The following KLHL1 variants were observed in gnomAD, a reference collection of about 807,000 sequenced individuals.
The protein encoded by KLHL1 is kelch-like protein 1.
KLHL1 carries 47 observed loss-of-function variants against 77.7 expected under a neutral mutation model. That is an observed-to-expected ratio of 0.60 (90% confidence interval 0.48 to 0.77). The LOEUF (loss-of-function observed/expected upper bound fraction) is 0.77, where lower values mean the gene tolerates loss of function less well. KLHL1 is among the 30% of genes least tolerant of loss of function. The probability of loss-of-function intolerance (pLI) is 0.00; values close to 1 mark genes in which losing one functional copy is unlikely to be tolerated. For synonymous variants in KLHL1, 360 were observed against 325.2 expected, an observed-to-expected ratio of 1.11 and a Z score of -1.15; for missense variants, 925 against 910.8, an observed-to-expected ratio of 1.02 and a Z score of -0.20.
chr13:69,736,679 G>GAT (rs139208405), intron 8 of KLHL1, among the ~76,000 whole-genome samples: 12,261 of 146,066 alleles, frequency 0.084, 646 homozygotes, highest in Non-Finnish European at 0.11. Flanking sequence ...GAGATTGTGA[G>GAT]ATATATATAT....
chr13:69,977,821 TAAG>T (rs917733671), intron 1 of KLHL1, among the ~76,000 whole-genome samples: 29 of 152,224 alleles, frequency 1.9e-4, no homozygotes, highest in African/African-American at 7.0e-4. Flanking sequence ...TATTTTTGAA[TAAG>T]AAAATACGTA....
chr13:69,855,844 T>C (rs1414623691), intron 5 of KLHL1, among the ~76,000 whole-genome samples: 1 of 129,770 alleles, frequency 7.7e-6, no homozygotes, highest in Non-Finnish European at 1.6e-5. Flanking sequence ...ATATACGGTA[T>C]TATATATGTT....
At chr13:69,882,982 C>T (rs891635999) in intron 4 of KLHL1, among the ~76,000 whole-genome samples, 5 of 152,110 alleles carry the variant, frequency 3.3e-5, no homozygotes, top group Admixed American at 6.6e-5. Context: ...TCACAAAATC[C>T]AGCAAGTTCC....
At chr13:69,957,359 G>T (rs1355403326) in intron 3 of KLHL1, among the ~76,000 whole-genome samples, 1 of 151,660 alleles carries the variant, frequency 6.6e-6, no homozygotes, top group East Asian at 1.9e-4. Flanking sequence ...AAAGGCTTAT[G>T]ACATTTTAAG....
intron 1 of KLHL1, among the ~76,000 whole-genome samples, chr13:69,994,688 G>T (rs1885107224): frequency 6.6e-6 from 1 of 152,044 alleles, no homozygotes. Flanking sequence ...GAATTGGTAT[G>T]GTTCTACTTA....
At chr13:69,810,937 TC>T (rs1222323423) in intron 6 of KLHL1, among the ~76,000 whole-genome samples, 1 of 151,946 alleles carries the variant, frequency 6.6e-6, no homozygotes, top group Non-Finnish European at 1.5e-5. Context: ...GAAACATTAA[TC>T]CAGAACAGAC....
intron 1 of KLHL1, among the ~76,000 whole-genome samples, chr13:70,055,973 T>C (rs1886734964): frequency 6.6e-6 from 1 of 151,994 alleles, no homozygotes; most frequent in Admixed American, 6.6e-5. Flanking sequence ...TCCTTACTTA[T>C]CAATAATAAC....
intron 9 of KLHL1, among the ~76,000 whole-genome samples, chr13:69,710,676 A>C (rs1413755880): frequency 1.3e-5 from 2 of 152,166 alleles, no homozygotes; most frequent in African/African-American, 4.8e-5. Flanking sequence ...AAAATGAAAT[A>C]AGCAATCTAC....
intron 5 of KLHL1, among the ~76,000 whole-genome samples, chr13:69,871,054 T>C (rs1880563016): frequency 6.6e-6 from 1 of 152,136 alleles, no homozygotes; most frequent in Non-Finnish European, 1.5e-5. Flanking sequence ...TGGCTCTGCC[T>C]AGACTCCCAG....
chr13:70,037,818 AG>A (rs1886276161), intron 1 of KLHL1, among the ~76,000 whole-genome samples: 1 of 152,080 alleles, frequency 6.6e-6, no homozygotes, highest in Non-Finnish European at 1.5e-5. Flanking sequence ...CACTTCTTAA[AG>A]TTATATGTTG....
intron 1 of KLHL1, among the ~76,000 whole-genome samples, chr13:70,029,207 C>T (rs1035589306): frequency 1.3e-5 from 2 of 151,988 alleles, no homozygotes; most frequent in Non-Finnish European, 2.9e-5. Flanking sequence ...GAACTTGCGG[C>T]CTGTGATAGG....
chr13:69,946,595 C>G (rs1250409938), intron 3 of KLHL1, among the ~76,000 whole-genome samples: 1 of 152,082 alleles, frequency 6.6e-6, no homozygotes. Context: ...TCACTGCATG[C>G]TTGAACTCCT....
At position 69,920,066 on chromosome 13, in the gene KLHL1, C is replaced by A. The variant is rs559283240; in HGVS notation, c.1014+19974G>T. ...GGCCTAACTTTATTAGATTAGGCAG[C>A]TGTTTTTTCTTTGGAAAACAATTTA... On this transcript the variant is annotated intron_variant, in intron 4 of 10. Transcript: ENST00000377844. Among the ~76,000 whole-genome samples the A allele has an allele frequency of 2.0e-5, 3 of 151,902 alleles. No homozygotes were observed. In the South Asian group the frequency reaches 6.2e-4, roughly 32 times the overall value.
intron 7 of KLHL1, among the ~76,000 whole-genome samples, chr13:69,768,752 T>G (rs1242913389): frequency 6.6e-6 from 1 of 152,184 alleles, no homozygotes; most frequent in Non-Finnish European, 1.5e-5. Context: ...TATAGATTAC[T>G]AGTTATTTCT....
chr13:69,762,906 A>G (rs984283651), intron 7 of KLHL1, among the ~76,000 whole-genome samples: 3 of 151,910 alleles, frequency 2.0e-5, no homozygotes, highest in African/African-American at 7.3e-5. Context: ...TGAAGGGCCA[A>G]TGTAGATAAG....
At chr13:69,769,056 G>A (rs1875442472) in intron 7 of KLHL1, among the ~76,000 whole-genome samples, 1 of 152,104 alleles carries the variant, frequency 6.6e-6, no homozygotes, top group South Asian at 2.1e-4. Context: ...GTGAAAAATT[G>A]CTTAACTAAT....
chr13:69,946,091 C>T (rs553332449), intron 3 of KLHL1, among the ~76,000 whole-genome samples: 2 of 152,218 alleles, frequency 1.3e-5, no homozygotes, highest in East Asian at 3.9e-4. Context: ...AAAATAAACA[C>T]AGACTCTATG....
At chr13:69,906,736 T>C (rs1234813106) in intron 4 of KLHL1, among the ~76,000 whole-genome samples, 1 of 151,936 alleles carries the variant, frequency 6.6e-6, no homozygotes, top group African/African-American at 2.4e-5. Flanking sequence ...TTCTACATGA[T>C]CCTTTCTTCA....
intron 4 of KLHL1, among the ~76,000 whole-genome samples, chr13:69,884,587 T>TA (rs1881124604): frequency 6.6e-6 from 1 of 152,144 alleles, no homozygotes; most frequent in Non-Finnish European, 1.5e-5. Flanking sequence ...AGGGATGTCA[T>TA]AAAAAACAGC....
Sources: gnomAD v4.1 joint callset for allele counts (sites outside exome capture counted in the v4.1 genomes callset) on GRCh38, gnomAD v4.1.1 for gene constraint, MANE v1.5 for transcripts, NCBI Gene and HGNC (gene_info 2026-07-23, HGNC 2026-07-21) for gene names.